Variants in PLAAT1 observed in about 807,000 individuals in gnomAD.
PLAAT1 encodes phospholipase A and acyltransferase 1.
In PLAAT1, 13 loss-of-function variants were observed where a neutral mutation model predicts 16.4. That is an observed-to-expected ratio of 0.79 (90% confidence interval 0.52 to 1.26). PLAAT1 has a LOEUF of 1.26. PLAAT1 is among the 50% of genes most tolerant of loss of function. PLAAT1 has a pLI of 0.00. For synonymous variants in PLAAT1, 73 were observed against 78.4 expected, an observed-to-expected ratio of 0.93 and a Z score of 0.36; for missense variants, 218 against 207.8, an observed-to-expected ratio of 1.05 and a Z score of -0.30.
intron 1 of PLAAT1, among the ~76,000 whole-genome samples, chr3:193,245,389 G>T (rs1715942481): frequency 6.6e-6 from 1 of 152,156 alleles, no homozygotes; most frequent in African/African-American, 2.4e-5. Context: ...TTAAAAGGCT[G>T]TATAGTTATT....
At chr3:193,254,101 G>A (rs1007368922) in intron 1 of PLAAT1, among the ~76,000 whole-genome samples, 2 of 152,112 alleles carry the variant, frequency 1.3e-5, no homozygotes, top group Admixed American at 6.6e-5. Context: ...TTAATAAGAT[G>A]CAAACATATT....
chr3:193,278,071 A>AG (rs1318351051), downstream of PLAAT1, among the ~76,000 whole-genome samples: 1 of 152,116 alleles, frequency 6.6e-6, no homozygotes, highest in East Asian at 1.9e-4. Flanking sequence ...CCTAGAGTGC[A>AG]GGGATTACAG....
chr3:193,279,402 CAG>C (rs757487856), downstream of PLAAT1: 57 of 1,613,790 alleles, frequency 3.5e-5, 1 homozygote, highest in East Asian at 1.6e-4. Context: ...AGTCAGAAAA[CAG>C]AATGAAAATT....
intron 3 of PLAAT1, among the ~76,000 whole-genome samples, chr3:193,264,511 C>CTTT (rs34935727): frequency 1.4e-4 from 20 of 147,940 alleles, no homozygotes; most frequent in African/African-American, 4.5e-4. Flanking sequence ...TCTTCTTCTT[C>CTTT]TTTTTTTTTT....
At chr3:193,245,244 AT>A in intron 1 of PLAAT1, among the ~76,000 whole-genome samples, 1 of 151,892 alleles carries the variant, frequency 6.6e-6, no homozygotes, top group South Asian at 2.1e-4. Flanking sequence ...TCTGTACTCT[AT>A]TTCTATGAGG....
At chr3:193,270,069 AACACACACACACACAC>A (rs1553807457) in intron 3 of PLAAT1, among the ~76,000 whole-genome samples, 1 of 147,878 alleles carries the variant, frequency 6.8e-6, no homozygotes, top group Non-Finnish European at 1.5e-5. Flanking sequence ...ACATCCCTGA[AACACACACACACACAC>A]ACACACACAC....
chr3:193,266,376 A>G (rs1716777373), intron 3 of PLAAT1, among the ~76,000 whole-genome samples: 1 of 152,194 alleles, frequency 6.6e-6, no homozygotes, highest in African/African-American at 2.4e-5. Context: ...ATAAAAAGAG[A>G]TTAGAGCCAT....
At chr3:193,250,353 G>C (rs1716144365) in intron 1 of PLAAT1, among the ~76,000 whole-genome samples, 1 of 152,108 alleles carries the variant, frequency 6.6e-6, no homozygotes, top group Admixed American at 6.5e-5. Flanking sequence ...TCTTTGCAGA[G>C]AAGCTTTGAG....
intron 1 of PLAAT1, among the ~76,000 whole-genome samples, chr3:193,251,375 A>G (rs1468173390): frequency 6.6e-6 from 1 of 152,156 alleles, no homozygotes; most frequent in Non-Finnish European, 1.5e-5. Context: ...AGGCTCCCAG[A>G]TACCGGTGTA....
rs1560104231 is a variant in PLAAT1 at position 193,263,216 on chromosome 3, GAGA to G, written c.389_391del (p.Glu130del). ...CATTTTGTGACATTGCTTCGCTATG[GAGA>G]AGGAGTTTCAGAGCAGGTAAGTTTT... On this transcript the variant is annotated inframe_deletion, in exon 3 of 4. Transcript: ENST00000264735. 4 of 1,613,930 alleles carry G rather than the reference GAGA, an allele frequency of 2.5e-6. No homozygotes were observed. Among genetic ancestry groups the G allele is most frequent in the Admixed American group, 1.7e-5 (1 of 60,004 alleles).
intron 1 of PLAAT1, among the ~76,000 whole-genome samples, chr3:193,252,790 A>G (rs918439558): frequency 6.6e-6 from 1 of 152,206 alleles, no homozygotes; most frequent in Non-Finnish European, 1.5e-5. Flanking sequence ...TTTCAGCACC[A>G]ATTGTCAAAA....
At position 193,261,307 on chromosome 3, in the gene PLAAT1, G is replaced by C. The variant is rs145292710; in HGVS notation, c.140-1663G>C. Reference sequence around the variant, plus strand: ...CACTTGAGCCTAGGAGGTGGAGGTTGCAGTGAGCTGAGATTGGGCCACTAC... The same window carrying C: ...CACTTGAGCCTAGGAGGTGGAGGTTCCAGTGAGCTGAGATTGGGCCACTAC... On this transcript the variant is annotated intron_variant, in intron 2 of 3. Transcript: ENST00000264735. 2.6e-3 allele frequency among the ~76,000 whole-genome samples: 399 copies of C among 151,910 alleles called. 1 individual carries two copies. Among genetic ancestry groups the C allele is most frequent in the Non-Finnish European group, 4.8e-3 (324 of 67,996 alleles).
At chr3:193,276,688 C>T (rs1347679875) in intron 2 of PLAAT1, 1 of 1,211,780 alleles carries the variant, frequency 8.3e-7, no homozygotes, top group Non-Finnish European at 1.2e-6. Context: ...AAATAAGCAC[C>T]TGCTGAAAAT....
chr3:193,241,911 T>G (rs1281940479), intron 1 of PLAAT1, among the ~76,000 whole-genome samples: 8 of 152,218 alleles, frequency 5.3e-5, no homozygotes, highest in Non-Finnish European at 8.8e-5. Context: ...CACTCATGTT[T>G]TCTCTGGGCT....
At chr3:193,242,294 C>T (rs1260538758) in intron 1 of PLAAT1, among the ~76,000 whole-genome samples, 1 of 151,930 alleles carries the variant, frequency 6.6e-6, no homozygotes. Context: ...TTCCCAGAGA[C>T]CAGTAGCTGA....
intron 3 of PLAAT1, among the ~76,000 whole-genome samples, chr3:193,268,247 C>T (rs1034459688): frequency 3.3e-5 from 5 of 152,182 alleles, no homozygotes; most frequent in Non-Finnish European, 7.4e-5. Flanking sequence ...TAGGCCTGGA[C>T]AAGGCAACAC....
At chr3:193,247,698 T>C (rs2108780336) in intron 1 of PLAAT1, among the ~76,000 whole-genome samples, 1 of 152,324 alleles carries the variant, frequency 6.6e-6, no homozygotes, top group Non-Finnish European at 1.5e-5. Flanking sequence ...ACTCATTGGT[T>C]GTTGAAGGGC....
rs79760741 is a variant in PLAAT1 at position 193,262,708 on chromosome 3, G to A, written c.140-262G>A. Among the ~76,000 whole-genome samples the A allele has an allele frequency of 4.7e-3, 711 of 152,256 alleles. 27 individuals carry two copies. In the East Asian group the frequency reaches 0.094, roughly 20 times the overall value. ...AATTTATTTTCCAAGGATGAGTAGC[G>A]TATTCTCATCCAATTTGTTCTATGG... On this transcript the variant is annotated intron_variant, in intron 2 of 3. Transcript: ENST00000264735.
intron 3 of PLAAT1, among the ~76,000 whole-genome samples, chr3:193,263,751 C>T (rs1252375657): frequency 6.6e-6 from 1 of 152,078 alleles, no homozygotes; most frequent in African/African-American, 2.4e-5. Flanking sequence ...TAAGTAGATC[C>T]TTTGATTCAC....
Sources: gnomAD v4.1 joint callset for allele counts (sites outside exome capture counted in the v4.1 genomes callset) on GRCh38, gnomAD v4.1.1 for gene constraint, MANE v1.5 for transcripts, NCBI Gene and HGNC (gene_info 2026-07-23, HGNC 2026-07-21) for gene names.